CYP4X1: variants seen among roughly 807,000 people sequenced by gnomAD.
CYP4X1 encodes the protein cytochrome P450 4X1.
In CYP4X1, 44 loss-of-function variants were observed where a neutral mutation model predicts 57.9. The observed-to-expected ratio is 0.76, with a 90% CI of 0.60 to 0.98. CYP4X1 has a LOEUF of 0.98. Ranked by LOEUF, CYP4X1 falls within the 50% of genes least tolerant of loss-of-function variation. The probability of loss-of-function intolerance (pLI) is 0.00; values close to 1 mark genes in which losing one functional copy is unlikely to be tolerated. For synonymous variants in CYP4X1, 227 were observed against 228.6 expected (o/e 0.99, Z 0.06); for missense variants, 532 against 623.9 (o/e 0.85, Z 1.57).
chr1:46,963,742 C>T, the CYP4X1 span, among the ~76,000 whole-genome samples: 7 of 152,066 alleles, frequency 4.6e-5, no homozygotes, highest in East Asian at 1.9e-4. Flanking sequence ...CTCTTCTTGA[C>T]GAGTATCTTT....
At chr1:47,035,746 A>C in intron 4 of CYP4X1, 60 bp from the exon 5 acceptor site, 1 of 1,566,100 alleles carries the variant, frequency 6.4e-7, no homozygotes, top group Non-Finnish European at 8.6e-7. Flanking sequence ...AGGAGCCTTC[A>C]AATGAAGGCA....
intron 8 of CYP4X1, among the ~76,000 whole-genome samples, chr1:47,041,366 C>T (rs567255058): frequency 1.1e-4 from 16 of 151,246 alleles, no homozygotes; most frequent in Non-Finnish European, 2.1e-4. Context: ...GAGGAAACTC[C>T]GTACAATTTT....
the CYP4X1 span, among the ~76,000 whole-genome samples, chr1:46,963,996 A>G: frequency 1.3e-5 from 2 of 152,014 alleles, no homozygotes; most frequent in Admixed American, 1.3e-4. Context: ...CATTCATTTG[A>G]TCTTCCATCA....
the CYP4X1 span, among the ~76,000 whole-genome samples, chr1:46,979,632 C>T: frequency 2.6e-5 from 4 of 152,120 alleles, no homozygotes; most frequent in Non-Finnish European, 4.4e-5. Context: ...TTTTATGAGG[C>T]CAGCATCATC....
the CYP4X1 span, among the ~76,000 whole-genome samples, chr1:46,969,584 T>G: frequency 0.043 from 6,565 of 152,140 alleles, 477 homozygotes; most frequent in African/African-American, 0.14. Flanking sequence ...TCTAAAAAAC[T>G]TATTTCTACT....
At chr1:46,961,395 C>T in the CYP4X1 span, among the ~76,000 whole-genome samples, 7 of 152,206 alleles carry the variant, frequency 4.6e-5, no homozygotes, top group Non-Finnish European at 7.3e-5. Flanking sequence ...ATTTCAGATC[C>T]AGCAGATGGG....
chr1:46,965,120 T>G, the CYP4X1 span, among the ~76,000 whole-genome samples: 4 of 152,160 alleles, frequency 2.6e-5, no homozygotes, highest in Non-Finnish European at 5.9e-5. Flanking sequence ...TGACCCAATT[T>G]TCCAGGTGCC....
At chr1:47,015,294 G>A in the CYP4X1 span, among the ~76,000 whole-genome samples, 1 of 152,206 alleles carries the variant, frequency 6.6e-6, no homozygotes, top group Non-Finnish European at 1.5e-5. Context: ...AGAAAATGAT[G>A]GAACCATGTG....
the CYP4X1 span, among the ~76,000 whole-genome samples, chr1:47,009,426 T>C: frequency 0.011 from 1,649 of 151,314 alleles, 34 homozygotes; most frequent in African/African-American, 0.037. Context: ...TAGAGGGAAA[T>C]TTATAGCAAT....
the CYP4X1 span, among the ~76,000 whole-genome samples, chr1:47,012,761 T>G: frequency 3.6e-3 from 547 of 152,292 alleles, 3 homozygotes; most frequent in African/African-American, 0.012. Flanking sequence ...CAGAGTGGTC[T>G]GGAGGACTGA....
At chr1:46,968,219 C>T in the CYP4X1 span, among the ~76,000 whole-genome samples, 2 of 152,272 alleles carry the variant, frequency 1.3e-5, no homozygotes, top group East Asian at 3.9e-4. Context: ...CTTCTGCCTC[C>T]CCTTACTCCT....
chr1:46,980,777 C>G, the CYP4X1 span, among the ~76,000 whole-genome samples: 2 of 152,128 alleles, frequency 1.3e-5, no homozygotes, highest in African/African-American at 4.8e-5. Context: ...GGTACCAAAA[C>G]AGAGATATAG....
chr1:47,024,642 C>G (rs1644042647), intron 1 of CYP4X1, among the ~76,000 whole-genome samples: 1 of 152,164 alleles, frequency 6.6e-6, no homozygotes, highest in Admixed American at 6.5e-5. Context: ...AGCTAAGTCC[C>G]TCCCCTGCAC....
the CYP4X1 span, among the ~76,000 whole-genome samples, chr1:46,969,594 T>G: frequency 6.6e-6 from 1 of 152,248 alleles, no homozygotes; most frequent in Non-Finnish European, 1.5e-5. Context: ...TTATTTCTAC[T>G]ATTTACATTG....
downstream of CYP4X1, among the ~76,000 whole-genome samples, chr1:47,051,641 A>T (rs934118196): frequency 1.3e-5 from 2 of 152,262 alleles, no homozygotes; most frequent in Non-Finnish European, 2.9e-5. Context: ...CCTAAAATCT[A>T]TATATAAAAA....
chr1:46,981,866 G>A, the CYP4X1 span, among the ~76,000 whole-genome samples: 12 of 152,252 alleles, frequency 7.9e-5, no homozygotes, highest in South Asian at 6.2e-4. Flanking sequence ...ATCATTCTGC[G>A]CAAACTATCA....
chr1:46,978,809 G>A, the CYP4X1 span, among the ~76,000 whole-genome samples: 1 of 152,238 alleles, frequency 6.6e-6, no homozygotes, highest in East Asian at 1.9e-4. Flanking sequence ...TTAGAGCTCA[G>A]GATTAAGAAA....
chr1:47,002,383 A>G, the CYP4X1 span, among the ~76,000 whole-genome samples: 1 of 152,228 alleles, frequency 6.6e-6, no homozygotes, highest in Non-Finnish European at 1.5e-5. Context: ...AATTGAGCTT[A>G]GGGATGCTCT....
chr1:47,016,867 C>A, the CYP4X1 span, among the ~76,000 whole-genome samples: 5 of 152,072 alleles, frequency 3.3e-5, no homozygotes, highest in African/African-American at 1.2e-4. Flanking sequence ...TCCTCCACAC[C>A]CCCAACTGGT....
Sources: allele counts gnomAD v4.1 joint callset (sites outside exome capture counted in the v4.1 genomes callset), GRCh38; gene constraint gnomAD v4.1.1; transcripts MANE v1.5; gene names NCBI Gene and HGNC (gene_info 2026-07-23, HGNC 2026-07-21).